Variants in TPR observed in about 807,000 individuals in gnomAD.
TPR encodes translocated promoter region, nuclear basket protein.
In TPR, 51 loss-of-function variants were observed where a neutral mutation model predicts 316.1. The ratio of observed to expected loss-of-function variants is 0.16; its 90% CI spans 0.13 to 0.20. The LOEUF (loss-of-function observed/expected upper bound fraction) is 0.20, where lower values mean the gene tolerates loss of function less well. Ranked by LOEUF, TPR falls within the 10% of genes least tolerant of loss-of-function variation. The pLI is 1.00. For synonymous variants in TPR, 981 were observed against 914.7 expected (o/e 1.07, Z -1.31); for missense variants, 2,272 against 2,754.8 (o/e 0.82, Z 3.92).
intron 25 of TPR, 29 bp from the exon 26 acceptor site, chr1:186,344,119 A>G: frequency 6.3e-7 from 1 of 1,586,380 alleles, no homozygotes; most frequent in Non-Finnish European, 8.6e-7. Flanking sequence ...TCAGAATAAC[A>G]GATTTTCCAA....
chr1:186,353,320 C>G (rs1239881618), intron 18 of TPR, among the ~76,000 whole-genome samples: 1 of 149,000 alleles, frequency 6.7e-6, no homozygotes, highest in Non-Finnish European at 1.5e-5. Context: ...TGCAGTGAGC[C>G]AAGATCGTGC....
At chr1:186,325,880 T>C in intron 41 of TPR, 26 bp from the exon 42 acceptor site, 3 of 1,603,458 alleles carry the variant, frequency 1.9e-6, no homozygotes, top group Non-Finnish European at 2.6e-6. Flanking sequence ...GGTAACATAA[T>C]GCTCAAATAA....
chr1:186,330,613 G>T (rs1457069826), intron 39 of TPR, among the ~76,000 whole-genome samples: 2 of 152,022 alleles, frequency 1.3e-5, no homozygotes, highest in Non-Finnish European at 2.9e-5. Flanking sequence ...TGCTGAATAT[G>T]CATGACTCTA....
chr1:186,328,591 G>A (rs1421357712), intron 39 of TPR, among the ~76,000 whole-genome samples: 1 of 151,992 alleles, frequency 6.6e-6, no homozygotes. Flanking sequence ...TGTTTAAACA[G>A]AAGGTTTTCC....
chr1:186,341,429 A>G lies in TPR; in HGVS notation c.3751-40T>C, dbSNP rs563284235. The G allele has an allele frequency of 2.7e-5, 43 of 1,591,134 alleles. No homozygotes were observed. The East Asian group carries it at 7.8e-4, about 29-fold the overall frequency. On this transcript the variant is annotated intron_variant, in intron 27 of 50. Transcript: ENST00000367478. ...TAAATATACATACCAACATCTAACA[A>G]TAGTTGAAAGTCTACCTGTTCCTAT... is the stretch of plus-strand genomic sequence containing the variant.
intron 21 of TPR, among the ~76,000 whole-genome samples, chr1:186,348,978 T>C (rs1455059293): frequency 6.6e-6 from 1 of 152,192 alleles, no homozygotes; most frequent in Admixed American, 6.5e-5. Flanking sequence ...TATGGGTCTG[T>C]ATATATGGAC....
chr1:186,338,392 T>C (rs772499609), intron 30 of TPR, 149 bp from the exon 31 acceptor site: 40 of 624,346 alleles, frequency 6.4e-5, no homozygotes, highest in Middle Eastern at 4.5e-4. Flanking sequence ...GGTAAGACCT[T>C]ACGAATTTAC....
intron 39 of TPR, among the ~76,000 whole-genome samples, chr1:186,329,034 T>C (rs1438841452): frequency 2.0e-5 from 3 of 152,186 alleles, no homozygotes; most frequent in Admixed American, 2.0e-4. Context: ...CAAAGTGACA[T>C]GCTTATTTCA....
chr1:186,343,302 T>C (rs1658566409), intron 27 of TPR, 24 bp downstream of exon 27: 1 of 1,594,630 alleles, frequency 6.3e-7, no homozygotes, highest in Non-Finnish European at 8.5e-7. Context: ...TAACAAGTGC[T>C]TTCTTAAAGC....
chr1:186,330,795 T>C (rs1276519584), intron 39 of TPR, among the ~76,000 whole-genome samples: 1 of 152,228 alleles, frequency 6.6e-6, no homozygotes, highest in South Asian at 2.1e-4. Flanking sequence ...GGGGTCTTCT[T>C]GATGACAATA....
At chr1:186,343,620 T>C (rs1014235891) in intron 26 of TPR, 147 bp from the exon 27 acceptor site, 3 of 817,128 alleles carry the variant, frequency 3.7e-6, no homozygotes, top group Non-Finnish European at 3.7e-6. Context: ...GGGAGATGTA[T>C]TTCTATTTTC....
At chr1:186,345,732 T>C (rs1335887170) in intron 23 of TPR, 36 bp from the exon 24 acceptor site, 5 of 1,449,746 alleles carry the variant, frequency 3.4e-6, no homozygotes, top group Non-Finnish European at 3.9e-6. Context: ...CCAAAATTAA[T>C]TGCAAACTTA....
intron 45 of TPR, among the ~76,000 whole-genome samples, chr1:186,321,961 T>G (rs978750528): frequency 2.6e-5 from 4 of 152,214 alleles, no homozygotes; most frequent in African/African-American, 9.6e-5. Flanking sequence ...TATTCTATTG[T>G]TATTCCCATT....
chr1:186,351,611 T>C lies in TPR; in HGVS notation c.2470-141A>G. On this transcript the variant is annotated intron_variant, in intron 19 of 50. Transcript: ENST00000367478. Reference sequence around the variant, plus strand: ...AAATCTACAGTATTTATCAAGAAAGTATTCTGGTATTTTTTATATTAAAAC... The same window carrying C: ...AAATCTACAGTATTTATCAAGAAAGCATTCTGGTATTTTTTATATTAAAAC... The C allele has an allele frequency of 6.9e-6, 6 of 875,470 alleles. No homozygotes were observed. The South Asian group carries it at 1.4e-4, about 20-fold the overall frequency. The allele number at this position is 875,470 out of a possible 1,614,324, so 54.2% of individuals were successfully genotyped here. A position where few individuals can be genotyped will look rare whatever the true frequency, so the allele number is the denominator to read the frequency against.
At position 186,333,111 on chromosome 1, in the gene TPR, A is replaced by C. The variant is rs959179583; in HGVS notation, c.5455+11T>G. ...AGGTCTACTCTGACTTCATTTTAAA[A>C]TTAATTTTACCTGTGCCAAATACTG... On this transcript the variant is annotated intron_variant, in intron 37 of 50. Coordinates refer to ENST00000367478, the MANE Select transcript of TPR (RefSeq NM_003292.3). The C allele has an allele frequency of 5.0e-6, 8 of 1,611,688 alleles. No individual in the cohort carries two copies. In the Admixed American group the frequency reaches 1.3e-4, roughly 27 times the overall value.
chr1:186,321,239 A>G (rs1657767465), intron 45 of TPR, among the ~76,000 whole-genome samples: 1 of 152,206 alleles, frequency 6.6e-6, no homozygotes, highest in African/African-American at 2.4e-5. Flanking sequence ...TAACTGAGCA[A>G]GTTTAAAACT....
At chr1:186,359,775 C>T (rs1295791097) in intron 12 of TPR, 24 bp downstream of exon 12, 3 of 1,567,882 alleles carry the variant, frequency 1.9e-6, no homozygotes, top group African/African-American at 2.8e-5. Context: ...GTTACCACGG[C>T]TAAATTTTAG....
In TPR at chr1:186,362,883, T is replaced by C. The variant is rs889578719; in HGVS notation, c.650A>G (p.Asn217Ser). The C allele has an allele frequency of 7.5e-6, 12 of 1,608,646 alleles. No homozygotes were observed. The highest frequency in any genetic ancestry group is 1.0e-5 in the Non-Finnish European group (12 of 1,178,258). The change falls in exon 6 of 51, where the codon AAT becomes AGT. Residue 217 changes from asparagine (N) to serine (S), a missense_variant. Around this residue, in one of 10 missense-constraint regions of TPR, gnomAD observed 549 missense variants for 598.6 expected, o/e 0.92. Transcript: ENST00000367478. ...ELLALGREKG[N>S]EILELKCNLE... ...ATTACATTTAAGCTCTAGAATCTCA[T>C]TCCCTTTTTCTCTTCCAAGAGCCAG...
At position 186,317,505 on chromosome 1, in the gene TPR, T is replaced by A. The variant is rs1046881128; in HGVS notation, c.6917A>T (p.Asp2306Val). ...ACCTACAGATGAGCTAGAAGGAGGA[T>A]CCTGGCTGGTGGAGGGGAGATCTGA... Reference protein sequence around the residue: ...DESDLPSTSQDPPSSSSVDTS... With the variant: ...DESDLPSTSQVPPSSSSVDTS... Residue 2306 changes from aspartate (D) to valine (V), a missense_variant, in exon 49 of 51, where the codon GAT becomes GTT. This residue lies in a region of TPR where 123 missense variants were observed against 142.3 expected (regional missense o/e 0.86). Transcript: ENST00000367478. The A allele has an allele frequency of 2.5e-6, 4 of 1,614,008 alleles. No individual in the cohort carries two copies.
Sources: allele counts gnomAD v4.1 joint callset (sites outside exome capture counted in the v4.1 genomes callset), GRCh38; gene constraint gnomAD v4.1.1; regional missense constraint gnomAD v4.1.1; transcripts MANE v1.5; gene names NCBI Gene and HGNC (gene_info 2026-07-23, HGNC 2026-07-21).